The following SAMD8 variants were observed in gnomAD, a reference collection of about 807,000 sequenced individuals.
SAMD8 encodes the protein sphingomyelin synthase-related protein 1.
Under a neutral mutation model 42.0 loss-of-function variants are expected in SAMD8, and 20 were observed. The observed-to-expected ratio is 0.48, with a 90% confidence interval of 0.34 to 0.69. SAMD8 has a LOEUF of 0.69. Among genes scored for constraint, SAMD8 ranks in the 30% least tolerant of loss-of-function variants. The pLI is 0.01. For missense variants in SAMD8, 328 were observed against 511.6 expected (o/e 0.64, Z 3.46); for synonymous variants, 162 against 173.0 (o/e 0.94, Z 0.50).
intron 4 of SAMD8, among the ~76,000 whole-genome samples, chr10:75,174,892 C>A (rs1158189691): frequency 6.6e-6 from 1 of 152,130 alleles, no homozygotes; most frequent in Non-Finnish European, 1.5e-5. Context: ...GTTTAATAAA[C>A]ACACAATGGT....
At chr10:75,153,765 G>GTT (rs371097075) in intron 2 of SAMD8, among the ~76,000 whole-genome samples, 23 of 147,136 alleles carry the variant, frequency 1.6e-4, no homozygotes, top group African/African-American at 3.7e-4. Flanking sequence ...TAGTAAAGAG[G>GTT]TTTTTTTTTT....
In SAMD8 at chr10:75,145,095, T is replaced by C. The variant is rs912715716; in HGVS notation, c.-15-5419T>C. Among the ~76,000 whole-genome samples the C allele has an allele frequency of 2.0e-5, 3 of 152,192 alleles. 1 individual carries two copies. The highest frequency in any genetic ancestry group is 4.8e-5 in the African/African-American group (2 of 41,442). On this transcript the variant is annotated intron_variant, in intron 1 of 5. Coordinates refer to ENST00000542569, the MANE Select transcript of SAMD8 (RefSeq NM_001174156.2). ...GGAGTTGCGTTAGTCTTTTTTTACT[T>C]ATCTATTTCCTTTTTTGTTGAGATG...
At chr10:75,173,423 C>T (rs983686291) in intron 4 of SAMD8, among the ~76,000 whole-genome samples, 54 of 152,170 alleles carry the variant, frequency 3.5e-4, no homozygotes, top group African/African-American at 1.3e-3. Context: ...CTTGTCAAAA[C>T]ATCCTATTCA....
chr10:75,122,851 T>A (rs1589936532), intron 1 of SAMD8, among the ~76,000 whole-genome samples: 1 of 152,180 alleles, frequency 6.6e-6, no homozygotes, highest in East Asian at 1.9e-4. Context: ...ATGCTTTTTT[T>A]ATTTATATGC....
In SAMD8 at chr10:75,150,546, A is replaced by T. The variant is rs948116517; in HGVS notation, c.18A>T (p.Gln6His). MAGPN[Q>H]LCIRRWTTKH... ...AGGAGGAAATGGCAGGTCCTAATCAACTCTGCATTCGCCGCTGGACTACCA... is the reference window on the plus strand; with the variant it reads ...AGGAGGAAATGGCAGGTCCTAATCATCTCTGCATTCGCCGCTGGACTACCA... The change falls in exon 2 of 6, where the codon CAA (glutamine) becomes CAT (histidine). Residue 6 changes from glutamine to histidine, a missense_variant. By Grantham distance (24) the Gln-to-His change is conservative (BLOSUM62 0). This residue lies in a region of SAMD8 where 150 missense variants were observed against 186.0 expected (regional missense o/e 0.81). Transcript: ENST00000542569. 6.2e-7 allele frequency: 1 copy of T among 1,613,006 alleles called. No individual in the cohort carries two copies. The highest frequency in any genetic ancestry group is 8.5e-7 in the Non-Finnish European group (1 of 1,179,582).
chr10:75,120,510 C>T (rs1390437717), intron 1 of SAMD8, among the ~76,000 whole-genome samples: 2 of 151,928 alleles, frequency 1.3e-5, no homozygotes, highest in Non-Finnish European at 2.9e-5. Context: ...ACCTCGTGAT[C>T]CGCCCGCCTC....
In SAMD8 at chr10:75,179,397, C is replaced by T. The variant is rs1841043728; in HGVS notation, c.*2705C>T. On this transcript the variant is annotated 3_prime_UTR_variant, in exon 6 of 6. Coordinates refer to ENST00000542569, the MANE Select transcript of SAMD8 (RefSeq NM_001174156.2). Reference sequence around the variant, plus strand: ...AACTTAAATAGCTATTAACCTCAGTCTTCTTTCCTTCATATAAATTCTATT... The same window carrying T: ...AACTTAAATAGCTATTAACCTCAGTTTTCTTTCCTTCATATAAATTCTATT... The T allele has an allele frequency of 6.6e-6, 1 of 152,106 alleles. No homozygotes were observed. The highest frequency in any genetic ancestry group is 1.5e-5 in the Non-Finnish European group (1 of 68,020). 9.4% of individuals were successfully genotyped at this position (152,106 alleles called of 1,614,324 possible).
At chr10:75,150,286 T>C in intron 1 of SAMD8, 1 of 247,754 alleles carries the variant, frequency 4.0e-6, no homozygotes, top group Non-Finnish European at 6.4e-6. Flanking sequence ...AAAATTTTTT[T>C]TTTTTTTTTT....
intron 1 of SAMD8, among the ~76,000 whole-genome samples, chr10:75,145,616 G>A (rs1840112804): frequency 1.3e-5 from 2 of 152,126 alleles, no homozygotes; most frequent in South Asian, 4.2e-4. Flanking sequence ...TCAAGGGTAG[G>A]GTTTCTCAAT....
chr10:75,147,382 C>T (rs938730576), intron 1 of SAMD8, among the ~76,000 whole-genome samples: 3 of 151,992 alleles, frequency 2.0e-5, no homozygotes, highest in African/African-American at 4.8e-5. Flanking sequence ...GCTGGAGTGC[C>T]GTGGTGTGAT....
intron 1 of SAMD8, among the ~76,000 whole-genome samples, chr10:75,143,749 G>A (rs1589954756): frequency 1.3e-5 from 2 of 151,906 alleles, no homozygotes; most frequent in Middle Eastern, 6.8e-3. Context: ...CTTTCTTCTT[G>A]TTTCTTATTT....
chr10:75,127,271 A>G (rs1012166072), intron 1 of SAMD8, among the ~76,000 whole-genome samples: 1 of 151,808 alleles, frequency 6.6e-6, no homozygotes, highest in Admixed American at 6.6e-5. Flanking sequence ...TTAGTATTTT[A>G]TATTTGAGAT....
chr10:75,109,812 TG>T (rs1848720862), upstream of SAMD8, among the ~76,000 whole-genome samples: 1 of 136,652 alleles, frequency 7.3e-6, no homozygotes, highest in African/African-American at 3.1e-5. Context: ...AGGGGGAAGG[TG>T]TTTTTTTTTG....
At chr10:75,151,528 G>T (rs1296832684) in intron 2 of SAMD8, among the ~76,000 whole-genome samples, 1 of 151,880 alleles carries the variant, frequency 6.6e-6, no homozygotes, top group African/African-American at 2.4e-5. Flanking sequence ...TAATTTTTAA[G>T]TTTTTTGTAG....
At chr10:75,149,246 G>A (rs1840223318) in intron 1 of SAMD8, among the ~76,000 whole-genome samples, 1 of 152,036 alleles carries the variant, frequency 6.6e-6, no homozygotes, top group African/African-American at 2.4e-5. Context: ...AACCTGAGAA[G>A]GCCCAAGTAA....
chr10:75,157,350 A>G (rs2132181560), intron 2 of SAMD8, among the ~76,000 whole-genome samples: 1 of 152,290 alleles, frequency 6.6e-6, no homozygotes, highest in Non-Finnish European at 1.5e-5. Flanking sequence ...TAATGATGGT[A>G]GAGGAAAGAG....
chr10:75,100,969 T>C (rs1346330182), intron 1 of SAMD8, among the ~76,000 whole-genome samples: 2 of 152,242 alleles, frequency 1.3e-5, no homozygotes, highest in Non-Finnish European at 2.9e-5. Flanking sequence ...CAGTTTCAGA[T>C]AGTCCCCTGG....
At chr10:75,117,801 A>G (rs1036484859) in intron 1 of SAMD8, among the ~76,000 whole-genome samples, 6 of 152,240 alleles carry the variant, frequency 3.9e-5, no homozygotes, top group Non-Finnish European at 1.5e-5. Context: ...AGAATTTTAG[A>G]TACTTAGCTT....
At chr10:75,126,672 T>C (rs145889372) in intron 1 of SAMD8, among the ~76,000 whole-genome samples, 301 of 151,922 alleles carry the variant, frequency 2.0e-3, no homozygotes, top group African/African-American at 6.7e-3. Flanking sequence ...GGCTAATTTT[T>C]TTTTTTTTTG....
Sources: allele counts gnomAD v4.1 joint callset (sites outside exome capture counted in the v4.1 genomes callset), GRCh38; gene constraint gnomAD v4.1.1; regional missense constraint gnomAD v4.1.1; transcripts MANE v1.5; gene names NCBI Gene and HGNC (gene_info 2026-07-23, HGNC 2026-07-21).